The following NUP43 variants were observed in gnomAD, a reference collection of about 807,000 sequenced individuals.
NUP43 encodes nucleoporin 43.
Under a neutral mutation model 47.3 loss-of-function variants are expected in NUP43, and 32 were observed. The observed-to-expected ratio is 0.68, with a 90% CI of 0.51 to 0.91. The LOEUF (loss-of-function observed/expected upper bound fraction) is 0.91. NUP43 is among the 40% of genes least tolerant of loss of function. The pLI is 0.00. For missense variants in NUP43, 444 were observed against 453.9 expected (o/e 0.98, Z 0.20); for synonymous variants, 147 against 158.4 (o/e 0.93, Z 0.54).
At chr6:149,730,684 A>C (rs1784989000) in intron 7 of NUP43, among the ~76,000 whole-genome samples, 1 of 152,224 alleles carries the variant, frequency 6.6e-6, no homozygotes, top group South Asian at 2.1e-4. Flanking sequence ...TAATTGCAAT[A>C]CCTCGGGAGG....
At chr6:149,748,423 C>A (rs980041863), upstream of NUP43, among the ~76,000 whole-genome samples, 1 of 152,192 alleles carries the variant, frequency 6.6e-6, no homozygotes, top group African/African-American at 2.4e-5. Flanking sequence ...TGGAAGCAGG[C>A]CAGTGTCACA....
Position 149,733,086 on chromosome 6 carries a change from G to A in NUP43, c.791-1351C>T, listed in dbSNP as rs376360420. Among the ~76,000 whole-genome samples, 44 of 151,810 alleles carry A rather than the reference G, an allele frequency of 2.9e-4. No homozygotes were observed. The South Asian group carries it at 8.9e-3, about 31-fold the overall frequency. ...TACGGAAAAGTTTTTTTTTAAATTGGTAAGTTGTCTTATTTTTCAATTCCT... is the reference window on the plus strand; with the variant it reads ...TACGGAAAAGTTTTTTTTTAAATTGATAAGTTGTCTTATTTTTCAATTCCT... On this transcript the variant is annotated intron_variant, in intron 6 of 7. Transcript: ENST00000340413.
At chr6:149,738,504 C>G (rs568528588) in intron 5 of NUP43, 139 bp downstream of exon 5, 15 of 522,976 alleles carry the variant, frequency 2.9e-5, no homozygotes, top group Non-Finnish European at 4.8e-5. Flanking sequence ...TCAAGTTATG[C>G]TTGCTCTACC....
intron 6 of NUP43, among the ~76,000 whole-genome samples, chr6:149,732,318 G>T (rs1457985543): frequency 6.7e-6 from 1 of 149,980 alleles, no homozygotes; most frequent in African/African-American, 2.5e-5. Flanking sequence ...GGCCAAGGTG[G>T]GTGGATCACT....
At position 149,742,464 on chromosome 6, in the gene NUP43, T is replaced by C. The variant is rs1562383182; in HGVS notation, c.428A>G (p.Glu143Gly). The C allele has an allele frequency of 2.5e-6, 4 of 1,614,104 alleles. No homozygotes were observed. The African/African-American group carries it at 5.3e-5, about 22-fold the overall frequency. The change falls in exon 4 of 8, where the codon GAA (glutamate) becomes GGA (glycine). Residue 143 changes from glutamate (E) to glycine (G), a missense_variant. Transcript: ENST00000340413. ...PCTGVVCNNPEIVTVGEDGRI... is the reference protein window; with the variant it reads ...PCTGVVCNNPGIVTVGEDGRI... ...ACCATCCTCTCCAACTGTAACGATT[T>C]CTGGGTTGTTGCACACAACACCTGT... is the stretch of plus-strand genomic sequence containing the variant.
intron 4 of NUP43, 144 bp downstream of exon 4, chr6:149,742,246 G>A (rs1047221554): frequency 3.7e-5 from 24 of 655,250 alleles, no homozygotes; most frequent in African/African-American, 2.0e-4. Context: ...GGCTGGTCTC[G>A]GACTCCCGAC....
Position 149,740,715 on chromosome 6 carries a change from C to T in NUP43, c.502+1675G>A, listed in dbSNP as rs148085715. On this transcript the variant is annotated intron_variant, in intron 4 of 7. Coordinates refer to ENST00000340413, the MANE Select transcript of NUP43 (RefSeq NM_198887.3). Reference sequence around the variant, plus strand: ...TCTGATTTAAAAGGTCTAGAGTGGTCGACAGTTAAAAAATTTCCTCAGAGA... The same window carrying T: ...TCTGATTTAAAAGGTCTAGAGTGGTTGACAGTTAAAAAATTTCCTCAGAGA... 1.5e-3 allele frequency among the ~76,000 whole-genome samples: 225 copies of T among 152,150 alleles called. 1 individual carries two copies. The highest frequency in any genetic ancestry group is 5.3e-3 in the African/African-American group (219 of 41,510).
chr6:149,728,942 G>A (rs1303905240), intron 7 of NUP43, among the ~76,000 whole-genome samples: 1 of 152,090 alleles, frequency 6.6e-6, no homozygotes, highest in Non-Finnish European at 1.5e-5. Flanking sequence ...CTCCTACTCT[G>A]CTGTATTCTT....
At chr6:149,738,347 T>C (rs770949009) in intron 5 of NUP43, among the ~76,000 whole-genome samples, 1 of 152,164 alleles carries the variant, frequency 6.6e-6, no homozygotes, top group Non-Finnish European at 1.5e-5. Flanking sequence ...CCCCCAATCA[T>C]TACATCTGGA....
intron 7 of NUP43, chr6:149,728,396 G>T (rs1428384975): frequency 1.0e-6 from 1 of 983,388 alleles, no homozygotes; most frequent in East Asian, 1.1e-4. Flanking sequence ...ATCCTTAGAT[G>T]AAACTGTTTG....
At chr6:149,743,494 C>G (rs1040474396) in intron 3 of NUP43, 144 bp downstream of exon 3, 8 of 541,240 alleles carry the variant, frequency 1.5e-5, no homozygotes, top group Admixed American at 1.4e-4. Flanking sequence ...ACTTGGGAGG[C>G]TGAGGCAGGA....
chr6:149,742,254 G>A (rs912688364), intron 4 of NUP43, 136 bp downstream of exon 4: 20 of 699,304 alleles, frequency 2.9e-5, no homozygotes, highest in Middle Eastern at 4.2e-4. Flanking sequence ...TCGGACTCCC[G>A]ACCTCAGGTG....
At position 149,726,761 on chromosome 6, in the gene NUP43, A is replaced by G; in HGVS notation, c.*208T>C. On this transcript the variant is annotated 3_prime_UTR_variant, in exon 8 of 8. Transcript: ENST00000340413. Reference sequence around the variant, plus strand: ...ACTGATTTTCTTCCACATGTTCACAATCTTTTGCCATCAGTCATCTATCGG... The same window carrying G: ...ACTGATTTTCTTCCACATGTTCACAGTCTTTTGCCATCAGTCATCTATCGG... 1 of 564,828 alleles carries G rather than the reference A, an allele frequency of 1.8e-6. No homozygotes were observed. The highest frequency in any genetic ancestry group is 3.0e-5 in the East Asian group (1 of 33,598). The allele number at this position is 564,828 out of a possible 1,614,324, so 35.0% of individuals were successfully genotyped here. A position where few individuals can be genotyped will look rare whatever the true frequency, so the allele number is the denominator to read the frequency against.
chr6:149,746,928 C>A (rs1342358335), upstream of NUP43, among the ~76,000 whole-genome samples: 1 of 152,198 alleles, frequency 6.6e-6, no homozygotes, highest in African/African-American at 2.4e-5. Flanking sequence ...GAATAAAGTG[C>A]CAACCTACTA....
In NUP43 at chr6:149,739,666, G is replaced by C. The variant is rs576710595; in HGVS notation, c.503-888C>G. ...TAAGATTGTTACCCTGCATTTCTGA[G>C]AGAGTTGTTCAAGCTCCTCTAAACC... is the stretch of plus-strand genomic sequence containing the variant. On this transcript the variant is annotated intron_variant, in intron 4 of 7. Transcript: ENST00000340413. 1.1e-4 allele frequency among the ~76,000 whole-genome samples: 16 copies of C among 145,152 alleles called. No individual in the cohort carries two copies. The East Asian group carries it at 3.1e-3, about 28-fold the overall frequency.
intron 2 of NUP43, among the ~76,000 whole-genome samples, chr6:149,745,033 T>C (rs1042235251): frequency 2.0e-5 from 3 of 150,654 alleles, no homozygotes; most frequent in African/African-American, 7.3e-5. Context: ...CCAGAGTAGC[T>C]GGGATTACAA....
chr6:149,734,684 G>C (rs1282115723), intron 6 of NUP43, among the ~76,000 whole-genome samples: 2 of 151,026 alleles, frequency 1.3e-5, no homozygotes, highest in Non-Finnish European at 2.9e-5. Flanking sequence ...TTTAGTCCCA[G>C]CTACTAGGGA....
chr6:149,728,245 C>T (rs1784878106), intron 7 of NUP43: 1 of 969,388 alleles, frequency 1.0e-6, no homozygotes, highest in Non-Finnish European at 1.2e-6. Flanking sequence ...TTCACAGTGT[C>T]TAATACTGTG....
intron 2 of NUP43, 139 bp downstream of exon 2, chr6:149,745,801 T>G (rs1485876920): frequency 7.9e-6 from 5 of 633,104 alleles, no homozygotes; most frequent in Non-Finnish European, 1.3e-5. Context: ...CTAAATGATG[T>G]TGGGCAAATC....
Sources: allele counts gnomAD v4.1 joint callset (sites outside exome capture counted in the v4.1 genomes callset), GRCh38; gene constraint gnomAD v4.1.1; transcripts MANE v1.5; gene names NCBI Gene and HGNC (gene_info 2026-07-23, HGNC 2026-07-21).